PLEKHM3: variants seen among roughly 807,000 people sequenced by gnomAD.
The protein encoded by PLEKHM3 is pleckstrin homology domain-containing family M member 3.
A neutral mutation model predicts 81.8 loss-of-function variants in PLEKHM3; 45 were observed. That is an observed-to-expected ratio of 0.55 (90% confidence interval 0.43 to 0.71). The LOEUF (loss-of-function observed/expected upper bound fraction) is 0.71. PLEKHM3 is among the 30% of genes least tolerant of loss of function. The probability of loss-of-function intolerance (pLI) is 0.00; values close to 1 mark genes in which losing one functional copy is unlikely to be tolerated. For missense variants in PLEKHM3, 788 were observed against 924.3 expected, an observed-to-expected ratio of 0.85 and a Z score of 1.91; for synonymous variants, 352 against 356.4, an observed-to-expected ratio of 0.99 and a Z score of 0.14.
intron 2 of PLEKHM3, 96 bp downstream of exon 2, chr2:208,000,934 A>G: frequency 8.7e-7 from 1 of 1,147,870 alleles, no homozygotes; most frequent in East Asian, 2.6e-5. Context: ...ACAATGATTC[A>G]GTAGAAGTCA....
At chr2:207,937,527 G>A (rs1689795937) in intron 4 of PLEKHM3, among the ~76,000 whole-genome samples, 1 of 150,740 alleles carries the variant, frequency 6.6e-6, no homozygotes, top group Admixed American at 6.6e-5. Flanking sequence ...TTACAGTCAT[G>A]CCACTGCACT....
At chr2:207,930,842 A>G (rs886391609) in intron 5 of PLEKHM3, 84 bp downstream of exon 5, 2 of 1,478,624 alleles carry the variant, frequency 1.4e-6, no homozygotes, top group Non-Finnish European at 1.8e-6. Flanking sequence ...CCGTGCTGGA[A>G]AGGCCCTTTG....
At chr2:207,989,941 C>T (rs753449558) in intron 2 of PLEKHM3, among the ~76,000 whole-genome samples, 1 of 152,196 alleles carries the variant, frequency 6.6e-6, no homozygotes, top group Non-Finnish European at 1.5e-5. Flanking sequence ...AGGAGCAGAT[C>T]TGGGGGAGCG....
intron 1 of PLEKHM3, among the ~76,000 whole-genome samples, chr2:208,025,020 G>T (rs1298743634): frequency 1.3e-5 from 2 of 152,268 alleles, no homozygotes; most frequent in South Asian, 4.1e-4. Flanking sequence ...AAGAACAATC[G>T]TTTTCTGGAA....
chr2:207,833,332 G>A (rs1575263250), intron 7 of PLEKHM3, among the ~76,000 whole-genome samples: 1 of 152,262 alleles, frequency 6.6e-6, no homozygotes, highest in African/African-American at 2.4e-5. Flanking sequence ...ATGAAAGCTG[G>A]TGTCTTCATT....
At chr2:207,901,021 A>G in intron 6 of PLEKHM3, 1 of 535,072 alleles carries the variant, frequency 1.9e-6, no homozygotes, top group Non-Finnish European at 3.3e-6. Flanking sequence ...AGCACTGACT[A>G]AACACCATCC....
At chr2:207,846,210 T>C (rs1234365337) in intron 7 of PLEKHM3, among the ~76,000 whole-genome samples, 1 of 152,106 alleles carries the variant, frequency 6.6e-6, no homozygotes, top group African/African-American at 2.4e-5. Context: ...TGGTGCAATC[T>C]CAGCTCACTG....
At chr2:208,009,593 C>A (rs1481770981) in intron 1 of PLEKHM3, among the ~76,000 whole-genome samples, 1 of 152,128 alleles carries the variant, frequency 6.6e-6, no homozygotes, top group Non-Finnish European at 1.5e-5. Context: ...AATGAGGAAG[C>A]TCAATGATAT....
At chr2:207,896,463 A>C (rs776778594) in intron 6 of PLEKHM3, among the ~76,000 whole-genome samples, 20 of 152,240 alleles carry the variant, frequency 1.3e-4, no homozygotes, top group Non-Finnish European at 2.5e-4. Context: ...AAAGAAACTC[A>C]GCTTTTACAA....
chr2:207,878,829 ATTTTTATTT>A (rs999850868), intron 6 of PLEKHM3, among the ~76,000 whole-genome samples: 2 of 151,162 alleles, frequency 1.3e-5, no homozygotes, highest in African/African-American at 4.8e-5. Flanking sequence ...GGTTTTTTTT[ATTTTTATTT>A]TTTTTATTTT....
chr2:207,863,370 A>C (rs1438146426), intron 6 of PLEKHM3, among the ~76,000 whole-genome samples: 1 of 152,142 alleles, frequency 6.6e-6, no homozygotes, highest in Non-Finnish European at 1.5e-5. Flanking sequence ...GGGGGTTTCC[A>C]TCTTTCTTCC....
chr2:207,953,817 C>CT (rs1483697401), intron 3 of PLEKHM3, among the ~76,000 whole-genome samples: 1 of 140,224 alleles, frequency 7.1e-6, no homozygotes, highest in Non-Finnish European at 1.5e-5. Flanking sequence ...AAGCAAGACT[C>CT]TGTCTACAAA....
intron 2 of PLEKHM3, 43 bp from the exon 3 acceptor site, chr2:207,977,629 A>G (rs749950456): frequency 1.3e-6 from 2 of 1,514,448 alleles, no homozygotes; most frequent in South Asian, 1.3e-5. Flanking sequence ...AGAATTAGTT[A>G]TAAGAAGGCA....
intron 6 of PLEKHM3, among the ~76,000 whole-genome samples, chr2:207,886,281 C>CATATTA (rs1208611330): frequency 1.4e-4 from 21 of 151,958 alleles, no homozygotes; most frequent in Non-Finnish European, 2.4e-4. Flanking sequence ...TAATATGAGC[C>CATATTA]CAGGGGATTC....
At chr2:207,984,713 G>A (rs925077035) in intron 2 of PLEKHM3, among the ~76,000 whole-genome samples, 1 of 152,186 alleles carries the variant, frequency 6.6e-6, no homozygotes. Flanking sequence ...TTGTTTGAAT[G>A]AGTTCATATG....
intron 7 of PLEKHM3, among the ~76,000 whole-genome samples, chr2:207,828,736 G>A (rs973065892): frequency 6.6e-6 from 1 of 152,174 alleles, no homozygotes; most frequent in Non-Finnish European, 1.5e-5. Context: ...GAGTGGGGGG[G>A]AGTCCGCAGT....
At chr2:207,889,699 G>A (rs889907880) in intron 6 of PLEKHM3, among the ~76,000 whole-genome samples, 14 of 152,114 alleles carry the variant, frequency 9.2e-5, no homozygotes, top group Middle Eastern at 3.4e-3. Context: ...CATGTCTTGG[G>A]GGCAGTCAGC....
intron 2 of PLEKHM3, among the ~76,000 whole-genome samples, chr2:207,995,856 C>A (rs941234676): frequency 1.3e-5 from 2 of 152,160 alleles, no homozygotes; most frequent in African/African-American, 4.8e-5. Context: ...TCTCATATAT[C>A]CCTTCCCCAT....
At chr2:207,856,034 C>T (rs147480984) in intron 7 of PLEKHM3, among the ~76,000 whole-genome samples, 33 of 152,190 alleles carry the variant, frequency 2.2e-4, no homozygotes, top group African/African-American at 8.0e-4. Flanking sequence ...TATATGGGAA[C>T]TCTGTACTAT....
Sources: allele counts gnomAD v4.1 joint callset (sites outside exome capture counted in the v4.1 genomes callset), GRCh38; gene constraint gnomAD v4.1.1; transcripts MANE v1.5; gene names NCBI Gene and HGNC (gene_info 2026-07-23, HGNC 2026-07-21).